Variants in PCNT observed in about 807,000 individuals in gnomAD.
The protein encoded by PCNT is kendrin.
PCNT carries 319 observed loss-of-function variants against 380.4 expected under a neutral mutation model. The ratio of observed to expected loss-of-function variants is 0.84; its 90% CI spans 0.77 to 0.92. The LOEUF (loss-of-function observed/expected upper bound fraction) is 0.92, where lower values mean the gene tolerates loss of function less well. PCNT is among the 40% of genes least tolerant of loss of function. PCNT has a pLI of 0.00. For synonymous variants in PCNT, 1,845 were observed against 1,735.2 expected (o/e 1.06, Z -1.57); for missense variants, 4,400 against 4,255.3 (o/e 1.03, Z -0.95).
chr21:46,413,263 CT>C (rs1285117541), intron 29 of PCNT, among the ~76,000 whole-genome samples: 3 of 119,408 alleles, frequency 2.5e-5, no homozygotes, highest in East Asian at 2.1e-4. Flanking sequence ...TGAGGCCCCC[CT>C]GGGAGAGGCT....
At chr21:46,396,588 G>A (rs1310345532) in intron 21 of PCNT, among the ~76,000 whole-genome samples, 1 of 152,142 alleles carries the variant, frequency 6.6e-6, no homozygotes, top group Admixed American at 6.5e-5. Flanking sequence ...TTAAACTGTG[G>A]TACCCAGTTA....
intron 15 of PCNT, among the ~76,000 whole-genome samples, chr21:46,373,991 G>A (rs977555986): frequency 6.6e-6 from 1 of 152,178 alleles, no homozygotes; most frequent in Non-Finnish European, 1.5e-5. Flanking sequence ...GCCTCCCAAA[G>A]TGCTGGGATT....
chr21:46,331,578 A>AG, intron 2 of PCNT, among the ~76,000 whole-genome samples: 1 of 152,224 alleles, frequency 6.6e-6, no homozygotes, highest in South Asian at 2.1e-4. Context: ...CCAACGTGGG[A>AG]GGATGGTTGA....
At chr21:46,354,195 G>C (rs933278059) in intron 11 of PCNT, 127 bp downstream of exon 11, 3 of 848,652 alleles carry the variant, frequency 3.5e-6, no homozygotes, top group Admixed American at 2.0e-5. Context: ...GGCTGCTTGC[G>C]GATGCTGCCC....
chr21:46,349,917 C>T lies in PCNT; in HGVS notation c.1344+97C>T, dbSNP rs957421251. 3.3e-6 allele frequency: 4 copies of T among 1,206,024 alleles called. No individual in the cohort carries two copies. The African/African-American group carries it at 4.5e-5, about 14-fold the overall frequency. 74.7% of individuals were successfully genotyped at this position (1,206,024 alleles called of 1,614,324 possible). On this transcript the variant is annotated intron_variant, in intron 8 of 46. Transcript: ENST00000359568. The stretch of plus-strand genomic sequence containing the variant: ...TTTCGTATTGTGTTATTTGCTAAAA[C>T]TTAAGTTCTAAATTTAAAGAGACTG...
chr21:46,336,986 TTTTG>T (rs71318067), intron 3 of PCNT, among the ~76,000 whole-genome samples: 98,760 of 146,856 alleles, frequency 0.67, 33,951 homozygotes, highest in East Asian at 0.8. Context: ...AGGTTGTTTT[TTTTG>T]TTTGTTTGTT....
intron 16 of PCNT, among the ~76,000 whole-genome samples, chr21:46,384,719 AAC>A (rs2085761630): frequency 7.1e-6 from 1 of 141,226 alleles, no homozygotes; most frequent in South Asian, 2.2e-4. Context: ...GAGCGGCGGA[AAC>A]ACATTCATGG....
At chr21:46,401,425 G>T in intron 25 of PCNT, 126 bp from the exon 26 acceptor site, 1 of 781,656 alleles carries the variant, frequency 1.3e-6, no homozygotes, top group Non-Finnish European at 2.2e-6. Flanking sequence ...ACTGAGTGCA[G>T]GGGCGTGCAG....
At position 46,349,754 on chromosome 21, in the gene PCNT, G is replaced by T. The variant is rs773448951; in HGVS notation, c.1278G>T (p.Glu426Asp). Reference protein sequence around the residue: ...IEKLREDLQSEHGRCLEDLEF... With the variant: ...IEKLREDLQSDHGRCLEDLEF... ...AGTTACGTGAAGACCTGCAGTCCGA[G>T]CACGGCCGGTGTTTAGAAGACTTGG... The change falls in exon 8 of 47, where the codon GAG becomes GAT. Residue 426 changes from glutamate to aspartate, a missense_variant. Coordinates refer to ENST00000359568, the MANE Select transcript of PCNT (RefSeq NM_006031.6). The T allele has an allele frequency of 6.2e-7, 1 of 1,614,094 alleles. No homozygotes were observed. Among genetic ancestry groups the T allele is most frequent in the Admixed American group, 1.7e-5 (1 of 60,024 alleles).
intron 1 of PCNT, chr21:46,325,188 G>A: frequency 1.0e-6 from 1 of 985,752 alleles, no homozygotes; most frequent in Non-Finnish European, 1.2e-6. Flanking sequence ...GCGGAACCGC[G>A]GGAGCAGGCC....
At chr21:46,331,039 TGAGA>T (rs769311757) in intron 2 of PCNT, among the ~76,000 whole-genome samples, 1 of 139,834 alleles carries the variant, frequency 7.2e-6, no homozygotes, top group Non-Finnish European at 1.7e-5. Flanking sequence ...TGTGTGTGTG[TGAGA>T]GTGTGTGTAT....
At chr21:46,437,563 C>T (rs1450782311) in intron 40 of PCNT, among the ~76,000 whole-genome samples, 1 of 152,242 alleles carries the variant, frequency 6.6e-6, no homozygotes, top group Non-Finnish European at 1.5e-5. Context: ...AACCCAAGTC[C>T]TCCTTGGAAA....
chr21:46,328,797 G>A (rs1330275657), intron 2 of PCNT, among the ~76,000 whole-genome samples: 2 of 145,626 alleles, frequency 1.4e-5, no homozygotes, highest in Non-Finnish European at 3.0e-5. Flanking sequence ...TCTTTAAGGC[G>A]AAGTCTCACT....
intron 3 of PCNT, among the ~76,000 whole-genome samples, chr21:46,338,291 C>G (rs1432262228): frequency 2.6e-5 from 4 of 152,210 alleles, no homozygotes; most frequent in Non-Finnish European, 5.9e-5. Flanking sequence ...CCCGTGTCCT[C>G]TTTCTAACCA....
In PCNT at chr21:46,334,869, C is replaced by T. The variant is rs947173148; in HGVS notation, c.639+101C>T. 1.1e-5 allele frequency: 17 copies of T among 1,564,662 alleles called. 1 individual carries two copies. The highest frequency in any genetic ancestry group is 1.9e-4 in the Middle Eastern group (1 of 5,138). ...AGAGGACCTTCCATCTCTGCAGGGC[C>T]TCTCTTTAGAAGTGGAAACTGGAAG... On this transcript the variant is annotated intron_variant, in intron 3 of 46. Transcript: ENST00000359568.
intron 15 of PCNT, 129 bp from the exon 16 acceptor site, chr21:46,381,565 G>C: frequency 1.2e-6 from 1 of 830,100 alleles, no homozygotes; most frequent in Admixed American, 1.9e-5. Context: ...CTGTGGTCTG[G>C]CTCATCCCGG....
Position 46,384,486 on chromosome 21 carries a change from A to G in PCNT, c.3313-1346A>G, listed in dbSNP as rs545932346. On this transcript the variant is annotated intron_variant, in intron 16 of 46. Transcript: ENST00000359568. ...GTTGTGCATTCAGTGGCAGAAGCGC[A>G]TTCACGGTGTTGTACATTCAGTGAC... Among the ~76,000 whole-genome samples the G allele has an allele frequency of 9.5e-5, 14 of 147,518 alleles. 3 individuals are homozygous for G. The East Asian group carries it at 2.9e-3, about 31-fold the overall frequency.
chr21:46,412,162 G>A (rs950165872), intron 28 of PCNT, 95 bp downstream of exon 28: 2 of 1,404,856 alleles, frequency 1.4e-6, no homozygotes, highest in African/African-American at 1.4e-5. Flanking sequence ...GGCACTGGGG[G>A]CTGCAGTTGT....
chr21:46,400,751 C>T (rs2086396002), intron 25 of PCNT, among the ~76,000 whole-genome samples: 1 of 152,104 alleles, frequency 6.6e-6, no homozygotes, highest in Admixed American at 6.5e-5. Flanking sequence ...AACTACTGAC[C>T]TCAGGTGATC....
Sources: gnomAD v4.1 joint callset for allele counts (sites outside exome capture counted in the v4.1 genomes callset) on GRCh38, gnomAD v4.1.1 for gene constraint, MANE v1.5 for transcripts, NCBI Gene and HGNC (gene_info 2026-07-23, HGNC 2026-07-21) for gene names.